Variants in SAMSN1 observed in about 807,000 individuals in gnomAD.
SAMSN1 encodes the protein SAM domain, SH3 domain and nuclear localization signals 1.
In SAMSN1, 31 loss-of-function variants were observed where a neutral mutation model predicts 42.0. That is an observed-to-expected ratio of 0.74 (90% CI 0.55 to 1.00). The LOEUF (loss-of-function observed/expected upper bound fraction) is 1.00, where lower values mean the gene tolerates loss of function less well. SAMSN1 is among the 50% of genes least tolerant of loss of function. SAMSN1 has a pLI of 0.00. For missense variants in SAMSN1, 464 were observed against 439.4 expected (o/e 1.06, Z -0.50); for synonymous variants, 178 against 151.9 (o/e 1.17, Z -1.26).
At chr21:14,596,061 C>CT (rs1277373338) in intron 6 of SAMSN1, among the ~76,000 whole-genome samples, 1 of 152,126 alleles carries the variant, frequency 6.6e-6, no homozygotes, top group Non-Finnish European at 1.5e-5. Context: ...AGTATTTCCT[C>CT]TTTTTTAAAT....
chr21:14,550,824 GTATCT>G (rs1980569807), upstream of SAMSN1, among the ~76,000 whole-genome samples: 1 of 152,100 alleles, frequency 6.6e-6, no homozygotes, highest in African/African-American at 2.4e-5. Flanking sequence ...TGAGCTTTGA[GTATCT>G]TAATTCTCCA....
At chr21:14,634,508 A>G (rs1211609129) in intron 2 of SAMSN1, among the ~76,000 whole-genome samples, 1 of 152,216 alleles carries the variant, frequency 6.6e-6, no homozygotes, top group African/African-American at 2.4e-5. Context: ...TAGGCAAAGG[A>G]GATGAACAGA....
chr21:14,566,995 TTA>T lies in SAMSN1; in HGVS notation c.261+15139_261+15140del, dbSNP rs1172523873. Reference sequence around the variant, plus strand: ...AAACTCTTACTAAAGTAAGTAGGCTTTATGATTAGTAAACTGGGCATTTTCTT... The same window carrying T: ...AAACTCTTACTAAAGTAAGTAGGCTTTGATTAGTAAACTGGGCATTTTCTT... On this transcript the variant is annotated intron_variant, in intron 2 of 8. Transcript: ENST00000285670. Among the ~76,000 whole-genome samples, 6 of 152,240 alleles carry T rather than the reference TTA, an allele frequency of 3.9e-5. No homozygotes were observed. In the East Asian group the frequency reaches 1.2e-3, roughly 29 times the overall value.
At chr21:14,616,081 A>G in intron 2 of SAMSN1, 1 of 474,556 alleles carries the variant, frequency 2.1e-6, no homozygotes, top group Non-Finnish European at 3.9e-6. Flanking sequence ...AACTATATCA[A>G]GAGATCTGAA....
At chr21:14,576,492 T>C (rs1421063335) in intron 2 of SAMSN1, among the ~76,000 whole-genome samples, 1 of 152,192 alleles carries the variant, frequency 6.6e-6, no homozygotes. Context: ...AACTCAACAG[T>C]GAAGCTGTGT....
At chr21:14,521,641 G>A (rs1448940378) in intron 1 of SAMSN1, among the ~76,000 whole-genome samples, 2 of 151,922 alleles carry the variant, frequency 1.3e-5, no homozygotes, top group African/African-American at 2.4e-5. Context: ...CAAACAAAAA[G>A]CAAGCATCTG....
intron 7 of SAMSN1, among the ~76,000 whole-genome samples, chr21:14,488,406 G>A (rs1986535460): frequency 6.6e-6 from 1 of 152,082 alleles, no homozygotes; most frequent in Non-Finnish European, 1.5e-5. Context: ...CAATTGTGGG[G>A]CTCTCTTCAG....
intron 2 of SAMSN1, among the ~76,000 whole-genome samples, chr21:14,569,776 T>C (rs1407511730): frequency 6.6e-6 from 1 of 152,202 alleles, no homozygotes; most frequent in Non-Finnish European, 1.5e-5. Context: ...TTTTGCAATA[T>C]ATTTATCACT....
intron 1 of SAMSN1, among the ~76,000 whole-genome samples, chr21:14,534,524 CTT>C (rs11382147): frequency 6.9e-6 from 1 of 145,948 alleles, no homozygotes; most frequent in Admixed American, 6.8e-5. Flanking sequence ...GACTTTTTTT[CTT>C]TTTTTTTTTG....
intron 6 of SAMSN1, among the ~76,000 whole-genome samples, chr21:14,595,587 G>T (rs753030372): frequency 6.6e-6 from 1 of 152,088 alleles, no homozygotes; most frequent in Admixed American, 6.6e-5. Flanking sequence ...GAGGGAGTAT[G>T]CTCCTTTATT....
chr21:14,547,641 A>T (rs3810576), upstream of SAMSN1, among the ~76,000 whole-genome samples: 28,190 of 152,040 alleles, frequency 0.19, 3,736 homozygotes, highest in East Asian at 0.49. Context: ...GTGACAAATC[A>T]ACTGACTCTA....
At chr21:14,523,581 T>C (rs1299154163) in intron 1 of SAMSN1, among the ~76,000 whole-genome samples, 2 of 152,230 alleles carry the variant, frequency 1.3e-5, no homozygotes, top group Non-Finnish European at 2.9e-5. Flanking sequence ...GAGCGTATTG[T>C]TGTCCTGCTT....
chr21:14,530,327 A>AG (rs1979177108), intron 1 of SAMSN1, among the ~76,000 whole-genome samples: 1 of 116,238 alleles, frequency 8.6e-6, no homozygotes, highest in African/African-American at 2.6e-5. Context: ...AAAAAAAAAA[A>AG]AAAAAAAAAG....
At chr21:14,546,143 A>T (rs1980374482) in intron 1 of SAMSN1, 62 bp downstream of exon 1, 1 of 1,413,764 alleles carries the variant, frequency 7.1e-7, no homozygotes, top group African/African-American at 1.4e-5. Context: ...TCAAACACAC[A>T]TATGTGTTTA....
chr21:14,657,293 T>A (rs537523919), intron 1 of SAMSN1, among the ~76,000 whole-genome samples: 1 of 151,976 alleles, frequency 6.6e-6, no homozygotes, highest in South Asian at 2.1e-4. Flanking sequence ...TGGTTCCGTC[T>A]AATGAAATAT....
intron 1 of SAMSN1, among the ~76,000 whole-genome samples, chr21:14,652,088 G>A (rs966764170): frequency 7.0e-5 from 6 of 86,052 alleles, no homozygotes; most frequent in South Asian, 3.7e-4. Flanking sequence ...TGGATTGAAA[G>A]ACAATTTTGT....
intron 1 of SAMSN1, among the ~76,000 whole-genome samples, chr21:14,532,587 T>C (rs902621042): frequency 6.6e-6 from 1 of 152,176 alleles, no homozygotes; most frequent in Non-Finnish European, 1.5e-5. Flanking sequence ...ATAAGAGTAG[T>C]GGTAAAAAGA....
intron 2 of SAMSN1, among the ~76,000 whole-genome samples, chr21:14,640,735 T>A (rs930927466): frequency 2.0e-5 from 3 of 152,086 alleles, no homozygotes; most frequent in African/African-American, 4.8e-5. Context: ...TAAGTATTAA[T>A]AATACTTTGA....
intron 5 of SAMSN1, among the ~76,000 whole-genome samples, chr21:14,502,465 G>A (rs1987207717): frequency 6.6e-6 from 1 of 152,122 alleles, no homozygotes; most frequent in Non-Finnish European, 1.5e-5. Context: ...AGGTCATCAA[G>A]CAAAGACTCA....
Sources: gnomAD v4.1 joint callset for allele counts (sites outside exome capture counted in the v4.1 genomes callset) on GRCh38, gnomAD v4.1.1 for gene constraint, MANE v1.5 for transcripts, NCBI Gene and HGNC (gene_info 2026-07-23, HGNC 2026-07-21) for gene names.